The following LRMDA variants were observed in gnomAD, a reference collection of about 807,000 sequenced individuals.
The protein encoded by LRMDA is leucine rich melanocyte differentiation associated.
Under a neutral mutation model 29.8 loss-of-function variants are expected in LRMDA, and 18 were observed. The observed-to-expected ratio is 0.60, with a 90% confidence interval of 0.42 to 0.90. The LOEUF is 0.90. LRMDA is among the 40% of genes least tolerant of loss of function. The pLI, the probability that LRMDA is intolerant of heterozygous loss-of-function variation, is 0.00. For synonymous variants in LRMDA, 125 were observed against 109.4 expected (o/e 1.14, Z -0.89); for missense variants, 273 against 273.9 (o/e 1.00, Z 0.02).
In LRMDA at chr10:76,033,912, C is replaced by T. The variant is rs1003244519; in HGVS notation, c.132-2096C>T. ...GTGGGTTTGTTCATGGGCCCGTCCC[C>T]TGCATTCCAAACACACCCCCAGGGT... On this transcript the variant is annotated intron_variant, in intron 2 of 6. Transcript: ENST00000611255. 3.3e-5 allele frequency among the ~76,000 whole-genome samples: 5 copies of T among 152,076 alleles called. No homozygotes were observed. The South Asian group carries it at 1.0e-3, about 32-fold the overall frequency.
chr10:76,133,161 T>G (rs1470004259), intron 5 of LRMDA, among the ~76,000 whole-genome samples: 1 of 151,968 alleles, frequency 6.6e-6, no homozygotes, highest in African/African-American at 2.4e-5. Context: ...TGGAATTGTT[T>G]GGTTGAAGCA....
chr10:76,276,094 T>A (rs3885187), intron 5 of LRMDA, among the ~76,000 whole-genome samples: 9,261 of 151,814 alleles, frequency 0.061, 776 homozygotes, highest in African/African-American at 0.19. Context: ...TCTTTCTTTC[T>A]TTTGTTAATT....
chr10:75,841,642 T>A (rs934258436), intron 2 of LRMDA, among the ~76,000 whole-genome samples: 2 of 152,356 alleles, frequency 1.3e-5, no homozygotes, highest in South Asian at 4.1e-4. Context: ...TGATGACAGT[T>A]CAGCTGCTTT....
intron 2 of LRMDA, among the ~76,000 whole-genome samples, chr10:75,908,876 A>C (rs2132374153): frequency 6.6e-6 from 1 of 152,352 alleles, no homozygotes. Flanking sequence ...CTGTGTGGAA[A>C]GCCATGTACT....
intron 2 of LRMDA, among the ~76,000 whole-genome samples, chr10:75,728,598 A>C (rs920956155): frequency 1.3e-5 from 2 of 152,154 alleles, no homozygotes; most frequent in African/African-American, 4.8e-5. Context: ...AGGCTGAATT[A>C]CTGTGTGGAT....
chr10:76,452,855 G>A (rs1299796639), intron 6 of LRMDA, among the ~76,000 whole-genome samples: 4 of 152,160 alleles, frequency 2.6e-5, no homozygotes, highest in Non-Finnish European at 5.9e-5. Context: ...CACTACATGT[G>A]ATGGAGTTAT....
rs1192417224 is a variant in LRMDA, at chr10:76,363,116, G to GGAAAGAAAGAAAGAAAGAAAGAAA, written c.601+38669_601+38692dup. 3.7e-4 allele frequency among the ~76,000 whole-genome samples: 19 copies of GGAAAGAAAGAAAGAAAGAAAGAAA among 51,522 alleles called. 1 individual carries two copies. Among genetic ancestry groups the GGAAAGAAAGAAAGAAAGAAAGAAA allele is most frequent in the African/African-American group, 1.1e-3 (17 of 15,860 alleles). 33.8% of individuals were successfully genotyped at this position (51,522 alleles called of 152,430 possible). ...CTAGAGGTTTCAGCCTGTGGAGTAAGGAAAGAAAGAAAGAAAGAAAGAAAG... is the reference window on the plus strand; with the variant it reads ...CTAGAGGTTTCAGCCTGTGGAGTAAGGAAAGAAAGAAAGAAAGAAAGAAAGAAAGAAAGAAAGAAAGAAAGAAAG... On this transcript the variant is annotated intron_variant, in intron 6 of 6. Coordinates refer to ENST00000611255, the MANE Select transcript of LRMDA (RefSeq NM_001305581.2).
chr10:75,882,120 T>A (rs556856454), intron 2 of LRMDA, among the ~76,000 whole-genome samples: 1 of 152,086 alleles, frequency 6.6e-6, no homozygotes, highest in East Asian at 1.9e-4. Context: ...GGGAGTTTGG[T>A]GATTATGAGG....
In LRMDA at chr10:75,746,865, GGAGGAA is replaced by G. The variant is rs1314800228; in HGVS notation, c.132-289132_132-289127del. Among the ~76,000 whole-genome samples, 7 of 151,532 alleles carry G rather than the reference GGAGGAA, an allele frequency of 4.6e-5. No individual in the cohort carries two copies. The East Asian group carries it at 1.2e-3, about 25-fold the overall frequency. On this transcript the variant is annotated intron_variant, in intron 2 of 6. Transcript: ENST00000611255. The stretch of plus-strand genomic sequence containing the variant: ...ACTAGAAGCTTTGGAAGTGAGAGGA[GGAGGAA>G]GAGGAAGAGGGAGTTGTTCTTTTAT...
chr10:76,407,370 G>A (rs1462850830), intron 6 of LRMDA, among the ~76,000 whole-genome samples: 2 of 152,110 alleles, frequency 1.3e-5, no homozygotes, highest in South Asian at 2.1e-4. Context: ...CAAAATTTGA[G>A]GGCCTGAGAT....
chr10:76,528,412 A>G (rs1843200710), intron 6 of LRMDA, among the ~76,000 whole-genome samples: 2 of 152,334 alleles, frequency 1.3e-5, no homozygotes, highest in Non-Finnish European at 2.9e-5. Flanking sequence ...ATATGAATGC[A>G]TCCATACAAC....
chr10:75,513,415 C>T (rs1204835541), intron 2 of LRMDA, among the ~76,000 whole-genome samples: 1 of 152,184 alleles, frequency 6.6e-6, no homozygotes, highest in Non-Finnish European at 1.5e-5. Flanking sequence ...CAGTGTGCCT[C>T]TCTGTGTTTT....
intron 2 of LRMDA, among the ~76,000 whole-genome samples, chr10:75,831,817 A>G (rs371384948): frequency 1.3e-4 from 20 of 152,202 alleles, no homozygotes; most frequent in African/African-American, 3.9e-4. Flanking sequence ...TCAATACCAC[A>G]TGGAAGCTGC....
rs138528104 is a variant in LRMDA at position 75,636,550 on chromosome 10, T to C, written c.131+198056T>C. ...AGGTGATTTTAATTGCCTTTTTTCA[T>C]TTTTTTTCATGAGATGTATTATTTA... On this transcript the variant is annotated intron_variant, in intron 2 of 6. Transcript: ENST00000611255. 1.4e-3 allele frequency among the ~76,000 whole-genome samples: 213 copies of C among 151,834 alleles called. 2 individuals carry two copies. Among genetic ancestry groups the C allele is most frequent in the Middle Eastern group, 3.4e-3 (1 of 294 alleles).
chr10:76,153,658 A>C (rs545269616), intron 5 of LRMDA, among the ~76,000 whole-genome samples: 328 of 152,334 alleles, frequency 2.2e-3, no homozygotes, highest in African/African-American at 7.3e-3. Flanking sequence ...ATCAGATAAA[A>C]GTATTCTATA....
At chr10:76,120,519 C>T (rs760026840) in intron 5 of LRMDA, among the ~76,000 whole-genome samples, 6 of 151,858 alleles carry the variant, frequency 4.0e-5, no homozygotes, top group East Asian at 1.9e-4. Flanking sequence ...TTTCATACTG[C>T]GCCATGTTTC....
At chr10:76,413,032 C>A (rs1297825828) in intron 6 of LRMDA, among the ~76,000 whole-genome samples, 1 of 152,140 alleles carries the variant, frequency 6.6e-6, no homozygotes, top group Non-Finnish European at 1.5e-5. Context: ...TTGGATGAGT[C>A]CTGGTGATTC....
intron 5 of LRMDA, among the ~76,000 whole-genome samples, chr10:76,210,650 G>C (rs896777319): frequency 1.3e-5 from 2 of 152,172 alleles, no homozygotes; most frequent in Admixed American, 1.3e-4. Context: ...GGTGGTGCAG[G>C]GGGTAGGGGC....
chr10:75,623,579 G>A (rs912143440), intron 2 of LRMDA, among the ~76,000 whole-genome samples: 5 of 152,134 alleles, frequency 3.3e-5, no homozygotes, highest in Non-Finnish European at 7.3e-5. Flanking sequence ...TCTTAAATTC[G>A]AGTCTGAGAG....
Sources: allele counts gnomAD v4.1 joint callset (sites outside exome capture counted in the v4.1 genomes callset), GRCh38; gene constraint gnomAD v4.1.1; transcripts MANE v1.5; gene names NCBI Gene and HGNC (gene_info 2026-07-23, HGNC 2026-07-21).